Variants in KCNQ3 observed in about 807,000 individuals in gnomAD.
KCNQ3 encodes potassium voltage-gated channel subfamily KQT member 3.
KCNQ3 carries 30 observed loss-of-function variants against 92.5 expected under a neutral mutation model. The ratio of observed to expected loss-of-function variants is 0.32; its 90% confidence interval spans 0.24 to 0.44. KCNQ3 has a LOEUF of 0.44. KCNQ3 is among the 20% of genes least tolerant of loss of function. KCNQ3 has a pLI of 1.00. For synonymous variants in KCNQ3, 450 were observed against 468.8 expected (o/e 0.96, Z 0.52); for missense variants, 913 against 1,140.3 (o/e 0.80, Z 2.87).
intron 1 of KCNQ3, among the ~76,000 whole-genome samples, chr8:132,314,442 A>G (rs1817682201): frequency 6.6e-6 from 1 of 152,198 alleles, no homozygotes; most frequent in Admixed American, 6.5e-5. Context: ...AAACCCAAAG[A>G]TTTTGGTGAA....
At chr8:132,470,023 C>T (rs539062888) in intron 1 of KCNQ3, among the ~76,000 whole-genome samples, 2 of 152,170 alleles carry the variant, frequency 1.3e-5, no homozygotes, top group African/African-American at 4.8e-5. Context: ...TCCTGAGGTT[C>T]CTCATTTGCA....
At chr8:132,479,015 G>C (rs1266593623) in intron 1 of KCNQ3, among the ~76,000 whole-genome samples, 1 of 152,108 alleles carries the variant, frequency 6.6e-6, no homozygotes, top group African/African-American at 2.4e-5. Context: ...GCAATTCCCT[G>C]CCAAAACCCT....
intron 14 of KCNQ3, 151 bp downstream of exon 14, chr8:132,132,029 A>C: frequency 3.1e-6 from 2 of 639,364 alleles, no homozygotes; most frequent in South Asian, 3.4e-5. Flanking sequence ...CAGAGGTTGC[A>C]GTGAGTCAAG....
intron 1 of KCNQ3, among the ~76,000 whole-genome samples, chr8:132,306,223 T>C (rs980504756): frequency 3.3e-5 from 5 of 152,244 alleles, no homozygotes; most frequent in African/African-American, 1.2e-4. Context: ...ATGAGTGTTC[T>C]GTTAGCTCCT....
intron 1 of KCNQ3, among the ~76,000 whole-genome samples, chr8:132,435,632 C>G (rs540176288): frequency 6.6e-6 from 1 of 152,194 alleles, no homozygotes; most frequent in African/African-American, 2.4e-5. Context: ...GAGTAGTGAA[C>G]AGGAGCTCAA....
chr8:132,184,389 G>A (rs1051429961), intron 2 of KCNQ3, 22 bp from the exon 3 acceptor site: 10 of 1,613,428 alleles, frequency 6.2e-6, no homozygotes, highest in Non-Finnish European at 5.9e-6. Context: ...AGCATATGGA[G>A]AGGCACTGAT....
intron 1 of KCNQ3, among the ~76,000 whole-genome samples, chr8:132,344,088 G>A (rs979845308): frequency 6.6e-6 from 1 of 152,196 alleles, no homozygotes; most frequent in African/African-American, 2.4e-5. Flanking sequence ...GATGATCTGA[G>A]TAAGTGCACA....
chr8:132,415,930 T>C (rs1820789807), intron 1 of KCNQ3, among the ~76,000 whole-genome samples: 1 of 152,210 alleles, frequency 6.6e-6, no homozygotes. Flanking sequence ...ATACTACTCA[T>C]GTGCATGAGA....
chr8:132,246,779 C>T (rs1815194411), intron 1 of KCNQ3, among the ~76,000 whole-genome samples: 1 of 152,202 alleles, frequency 6.6e-6, no homozygotes, highest in African/African-American at 2.4e-5. Flanking sequence ...CTCATCCCAG[C>T]ATTACGTCCT....
At chr8:132,218,138 C>T (rs913431312) in intron 1 of KCNQ3, among the ~76,000 whole-genome samples, 5 of 152,054 alleles carry the variant, frequency 3.3e-5, no homozygotes, top group Admixed American at 1.3e-4. Context: ...CTGTACCCCA[C>T]GGAGAAAAAA....
chr8:132,240,494 G>T (rs544757393), intron 1 of KCNQ3, among the ~76,000 whole-genome samples: 12 of 152,164 alleles, frequency 7.9e-5, no homozygotes, highest in African/African-American at 2.9e-4. Flanking sequence ...CCCATGCCAT[G>T]ATTCTTAATT....
chr8:132,200,895 G>A (rs1407257740), intron 1 of KCNQ3, among the ~76,000 whole-genome samples: 5 of 151,896 alleles, frequency 3.3e-5, no homozygotes, highest in African/African-American at 1.2e-4. Context: ...ATCCTTTTTC[G>A]GTTGCTATAA....
intron 1 of KCNQ3, among the ~76,000 whole-genome samples, chr8:132,226,466 G>T (rs909428988): frequency 1.3e-5 from 2 of 152,080 alleles, no homozygotes; most frequent in Non-Finnish European, 2.9e-5. Context: ...GGGATTCAAG[G>T]TTTTGTGGTA....
chr8:132,373,688 G>T (rs907862180), intron 1 of KCNQ3, among the ~76,000 whole-genome samples: 11 of 152,078 alleles, frequency 7.2e-5, no homozygotes, highest in African/African-American at 2.7e-4. Context: ...TGCATTGAAA[G>T]AAATTAACAG....
In KCNQ3 at chr8:132,285,370, T is replaced by A. The variant is rs151100623; in HGVS notation, c.387-99189A>T. The stretch of plus-strand genomic sequence containing the variant: ...AAGGCCATTTTTATGAGATATCAGA[T>A]GGAAAATGAGGAATATCTTACTGGG... On this transcript the variant is annotated intron_variant, in intron 1 of 14. Transcript: ENST00000388996. 1.2e-3 allele frequency among the ~76,000 whole-genome samples: 180 copies of A among 152,310 alleles called. 3 individuals carry two copies. The East Asian group carries it at 0.029, about 24-fold the overall frequency.
At chr8:132,178,848 C>T (rs1428870679) in intron 4 of KCNQ3, among the ~76,000 whole-genome samples, 1 of 151,374 alleles carries the variant, frequency 6.6e-6, no homozygotes, top group East Asian at 1.9e-4. Context: ...CTCACTGCCT[C>T]AGGTCCAGCT....
chr8:132,342,779 C>T (rs1220149255), intron 1 of KCNQ3, among the ~76,000 whole-genome samples: 1 of 152,160 alleles, frequency 6.6e-6, no homozygotes, highest in Admixed American at 6.5e-5. Flanking sequence ...TAATATTTTA[C>T]AATAAATGTG....
At chr8:132,203,002 T>C (rs1276929611) in intron 1 of KCNQ3, among the ~76,000 whole-genome samples, 1 of 152,168 alleles carries the variant, frequency 6.6e-6, no homozygotes, top group Non-Finnish European at 1.5e-5. Flanking sequence ...CTCAGAGTTC[T>C]GGAGGCTGGG....
At chr8:132,144,412 T>C (rs1219305535) in intron 9 of KCNQ3, among the ~76,000 whole-genome samples, 1 of 152,246 alleles carries the variant, frequency 6.6e-6, no homozygotes, top group African/African-American at 2.4e-5. Flanking sequence ...AACTCTGTTC[T>C]ACGCTGTATG....
Sources: gnomAD v4.1 joint callset for allele counts (sites outside exome capture counted in the v4.1 genomes callset) on GRCh38, gnomAD v4.1.1 for gene constraint, MANE v1.5 for transcripts, NCBI Gene and HGNC (gene_info 2026-07-23, HGNC 2026-07-21) for gene names.